Variants in MRPL37 observed in about 807,000 individuals in gnomAD.
The protein encoded by MRPL37 is mitochondrial ribosomal protein L37, also known as large ribosomal subunit protein mL37.
A neutral mutation model predicts 44.1 loss-of-function variants in MRPL37; 34 were observed. The ratio of observed to expected loss-of-function variants is 0.77; its 90% confidence interval spans 0.59 to 1.03. The LOEUF (loss-of-function observed/expected upper bound fraction) is 1.03, where lower values mean the gene tolerates loss of function less well. Among genes scored for constraint, MRPL37 ranks in the 50% least tolerant of loss-of-function variants. The pLI is 0.00. For synonymous variants in MRPL37, 212 were observed against 219.5 expected, an observed-to-expected ratio of 0.97 and a Z score of 0.30; for missense variants, 532 against 543.7, an observed-to-expected ratio of 0.98 and a Z score of 0.21.
intron 1 of MRPL37, among the ~76,000 whole-genome samples, chr1:54,204,248 T>C (rs1644105104): frequency 6.6e-6 from 1 of 152,188 alleles, no homozygotes; most frequent in South Asian, 2.1e-4. Context: ...TTGGGTGCTG[T>C]GGTTTATGCT....
intron 4 of MRPL37, 130 bp from the exon 5 acceptor site, chr1:54,212,371 T>C: frequency 8.8e-7 from 1 of 1,132,724 alleles, no homozygotes; most frequent in Non-Finnish European, 1.3e-6. Context: ...CGAGCTATAG[T>C]GATAGTATCC....
chr1:54,225,066 C>T (rs1427768073), downstream of MRPL37: 11 of 1,232,224 alleles, frequency 8.9e-6, no homozygotes, highest in African/African-American at 3.1e-5. Flanking sequence ...CCCTCCTGGC[C>T]GATAGCGACT....
chr1:54,209,694 C>T (rs1179917178), intron 3 of MRPL37, among the ~76,000 whole-genome samples: 5 of 151,916 alleles, frequency 3.3e-5, no homozygotes, highest in Admixed American at 3.3e-4. Flanking sequence ...ATCCTGACCT[C>T]GTGATCCACC....
chr1:54,219,574 G>T (rs1480589260), downstream of MRPL37, among the ~76,000 whole-genome samples: 1 of 152,156 alleles, frequency 6.6e-6, no homozygotes, highest in Non-Finnish European at 1.5e-5. Flanking sequence ...CTGACCTGGG[G>T]CTCCGGGTAC....
chr1:54,213,660 C>T (rs1570149856), intron 5 of MRPL37, among the ~76,000 whole-genome samples: 1 of 152,230 alleles, frequency 6.6e-6, no homozygotes, highest in African/African-American at 2.4e-5. Flanking sequence ...CAGACCTACC[C>T]CAGACCTGCT....
At chr1:54,208,264 T>A (rs1308386751) in intron 3 of MRPL37, among the ~76,000 whole-genome samples, 1 of 152,094 alleles carries the variant, frequency 6.6e-6, no homozygotes, top group Admixed American at 6.6e-5. Context: ...CTGCCTTGGC[T>A]GGGTGCGGTG....
chr1:54,217,137 G>A (rs942543596), intron 6 of MRPL37, among the ~76,000 whole-genome samples: 3 of 152,188 alleles, frequency 2.0e-5, no homozygotes, highest in African/African-American at 7.2e-5. Flanking sequence ...GGTACTGCCT[G>A]CTCTGGGACC....
chr1:54,212,521 T>C lies in MRPL37; in HGVS notation c.853T>C (p.Tyr285His), dbSNP rs1376925487. The change falls in exon 5 of 7, where the codon TAC becomes CAC. Residue 285 changes from tyrosine (Y) to histidine (H), a missense_variant. By Grantham distance (83) the Tyr-to-His change is moderately conservative. Transcript: ENST00000360840. The part of the protein sequence containing the change: ...NDTGFQEGYP[Y>H]PYPHTLYLLD... ...TGCAGGATTCCAGGAAGGCTATCCT[T>C]ACCCCTATCCCCATACCCTGTACTT... is the stretch of plus-strand genomic sequence containing the variant. 5 of 1,614,072 alleles carry C rather than the reference T, an allele frequency of 3.1e-6. No individual in the cohort carries two copies. Among genetic ancestry groups the C allele is most frequent in the African/African-American group, 2.7e-5 (2 of 74,932 alleles).
At chr1:54,207,628 G>A (rs1274328792) in intron 3 of MRPL37, 1 of 152,218 alleles carries the variant, frequency 6.6e-6, no homozygotes, top group African/African-American at 2.4e-5. Flanking sequence ...GATATGGAGG[G>A]AATTGAATCA....
chr1:54,207,956 A>G (rs1644135977), intron 3 of MRPL37, among the ~76,000 whole-genome samples: 1 of 152,176 alleles, frequency 6.6e-6, no homozygotes, highest in Non-Finnish European at 1.5e-5. Flanking sequence ...CTTCTGAGAA[A>G]GATTTGCCTC....
At chr1:54,203,447 G>GTGGTA (rs1644098605) in intron 1 of MRPL37, among the ~76,000 whole-genome samples, 1 of 149,896 alleles carries the variant, frequency 6.7e-6, no homozygotes, top group Non-Finnish European at 1.5e-5. Context: ...AATTCATGAT[G>GTGGTA]TGAGGTTCTA....
chr1:54,202,578 G>T (rs932751069), intron 1 of MRPL37, among the ~76,000 whole-genome samples: 3 of 151,666 alleles, frequency 2.0e-5, no homozygotes, highest in African/African-American at 7.3e-5. Flanking sequence ...CAATCTCACT[G>T]CAACCTCTAC....
chr1:54,225,356 C>T, downstream of MRPL37: 1 of 1,234,088 alleles, frequency 8.1e-7, no homozygotes, highest in Non-Finnish European at 1.0e-6. Context: ...AAAAACTGTG[C>T]CCAAGAAGTC....
At chr1:54,213,656 T>C (rs958864284) in intron 5 of MRPL37, among the ~76,000 whole-genome samples, 3 of 152,220 alleles carry the variant, frequency 2.0e-5, no homozygotes, top group African/African-American at 7.2e-5. Flanking sequence ...CTCTCAGACC[T>C]ACCCCAGACC....
chr1:54,216,000 T>C, intron 5 of MRPL37, 141 bp from the exon 6 acceptor site: 1 of 889,898 alleles, frequency 1.1e-6, no homozygotes, highest in East Asian at 2.5e-5. Flanking sequence ...CTCCTCATTC[T>C]ATTTTAATTG....
At position 54,215,309 on chromosome 1, in the gene MRPL37, T is replaced by C. The variant is rs190797720; in HGVS notation, c.991-832T>C. 2.6e-3 allele frequency among the ~76,000 whole-genome samples: 390 copies of C among 152,310 alleles called. 1 individual carries two copies. In the Middle Eastern group the frequency reaches 0.027, roughly 11 times the overall value. On this transcript the variant is annotated intron_variant, in intron 5 of 6. Transcript: ENST00000360840. ...ACCTCTCTGAACCTCAGTTTCCTTA[T>C]CTGTTAGTGGGAATATACCTCTAGA...
At chr1:54,206,741 CTT>C (rs1173804383) in intron 3 of MRPL37, among the ~76,000 whole-genome samples, 6 of 142,198 alleles carry the variant, frequency 4.2e-5, no homozygotes, top group Admixed American at 7.1e-5. Context: ...CTTTTCTTTT[CTT>C]TTTTTTTTTT....
At chr1:54,225,141 C>A, downstream of MRPL37, 1 of 1,234,296 alleles carries the variant, frequency 8.1e-7, no homozygotes, top group South Asian at 4.1e-5. Flanking sequence ...AAAAGACATT[C>A]CAGCGGACCA....
downstream of MRPL37, among the ~76,000 whole-genome samples, chr1:54,222,543 C>T (rs1362302001): frequency 2.0e-5 from 3 of 152,126 alleles, no homozygotes; most frequent in African/African-American, 7.2e-5. Flanking sequence ...AAGCCCTCTC[C>T]TCTCTGCACC....
Sources: allele counts gnomAD v4.1 joint callset (sites outside exome capture counted in the v4.1 genomes callset), GRCh38; gene constraint gnomAD v4.1.1; transcripts MANE v1.5; gene names NCBI Gene and HGNC (gene_info 2026-07-23, HGNC 2026-07-21).